The following EYS variants were observed in gnomAD, a reference collection of about 807,000 sequenced individuals.
EYS encodes protein eyes shut homolog.
In EYS, 250 loss-of-function variants were observed where a neutral mutation model predicts 282.1. The observed-to-expected ratio is 0.89, with a 90% CI of 0.80 to 0.98. The LOEUF (loss-of-function observed/expected upper bound fraction) is 0.98. EYS is among the 50% of genes least tolerant of loss of function. The pLI is 0.00. For synonymous variants in EYS, 1,355 were observed against 1,282.9 expected (o/e 1.06, Z -1.20); for missense variants, 4,016 against 3,709.0 (o/e 1.08, Z -2.15).
chr6:65,625,670 T>C (rs544417505), intron 2 of EYS, among the ~76,000 whole-genome samples: 1 of 152,268 alleles, frequency 6.6e-6, no homozygotes, highest in East Asian at 1.9e-4. Context: ...ATTTAACGAG[T>C]TTGAGTTAAG....
chr6:65,598,401 T>C (rs560746376), intron 2 of EYS, among the ~76,000 whole-genome samples: 1 of 152,016 alleles, frequency 6.6e-6, no homozygotes, highest in Non-Finnish European at 1.5e-5. Flanking sequence ...TTCTTGAAGA[T>C]ATAATTCAAT....
At chr6:65,063,684 T>G (rs906210731) in intron 12 of EYS, among the ~76,000 whole-genome samples, 2 of 152,080 alleles carry the variant, frequency 1.3e-5, no homozygotes, top group African/African-American at 4.8e-5. Flanking sequence ...CCATGCTTAG[T>G]TTTCATTCAG....
At chr6:64,457,218 G>T (rs1775584072) in intron 26 of EYS, among the ~76,000 whole-genome samples, 1 of 151,770 alleles carries the variant, frequency 6.6e-6, no homozygotes, top group Non-Finnish European at 1.5e-5. Flanking sequence ...TACCACCATG[G>T]TCGAAAATGA....
chr6:64,025,457 GA>G (rs1769450798), intron 33 of EYS, among the ~76,000 whole-genome samples: 2 of 152,104 alleles, frequency 1.3e-5, no homozygotes, highest in Non-Finnish European at 2.9e-5. Flanking sequence ...ATGCCTACCA[GA>G]CAAACTTCCT....
chr6:64,462,145 T>TA (rs1775769741), intron 26 of EYS, among the ~76,000 whole-genome samples: 1 of 152,168 alleles, frequency 6.6e-6, no homozygotes, highest in Non-Finnish European at 1.5e-5. Flanking sequence ...TTTCCTGTTA[T>TA]AAAAAACCTA....
intron 12 of EYS, among the ~76,000 whole-genome samples, chr6:65,156,227 T>A (rs1764725258): frequency 6.6e-6 from 1 of 151,182 alleles, no homozygotes; most frequent in South Asian, 2.1e-4. Context: ...GGAATTATAG[T>A]GTATTCCAGC....
intron 30 of EYS, among the ~76,000 whole-genome samples, chr6:64,252,455 T>G (rs1276557349): frequency 6.6e-6 from 1 of 152,172 alleles, no homozygotes; most frequent in East Asian, 1.9e-4. Context: ...GACTCCAGTC[T>G]TAATCATCCT....
At chr6:65,507,047 G>A (rs1253360388) in intron 2 of EYS, among the ~76,000 whole-genome samples, 2 of 151,996 alleles carry the variant, frequency 1.3e-5, no homozygotes, top group Admixed American at 6.6e-5. Flanking sequence ...CTTTCCTCAT[G>A]TAGATCTGAG....
chr6:64,075,291 G>A (rs1363799940), intron 32 of EYS, among the ~76,000 whole-genome samples: 1 of 151,972 alleles, frequency 6.6e-6, no homozygotes, highest in Non-Finnish European at 1.5e-5. Context: ...TCAGTGGGAA[G>A]ATGGCAGACA....
chr6:64,238,231 T>C (rs777935500), intron 30 of EYS, among the ~76,000 whole-genome samples: 1 of 152,126 alleles, frequency 6.6e-6, no homozygotes, highest in African/African-American at 2.4e-5. Flanking sequence ...TGTCATATGA[T>C]TCATGTTCCC....
chr6:63,962,824 G>A (rs1182210170), intron 35 of EYS, among the ~76,000 whole-genome samples: 3 of 152,104 alleles, frequency 2.0e-5, no homozygotes, highest in Admixed American at 1.3e-4. Context: ...GTTTATTGTG[G>A]CACTATTCAC....
At chr6:64,183,843 C>T (rs1427748188) in intron 31 of EYS, among the ~76,000 whole-genome samples, 1 of 151,966 alleles carries the variant, frequency 6.6e-6, no homozygotes, top group Non-Finnish European at 1.5e-5. Context: ...TGGCAGGTCT[C>T]CTCTCTTGAA....
chr6:63,986,149 C>A lies in EYS; in HGVS notation c.6835-1546G>T, dbSNP rs146460785. Among the ~76,000 whole-genome samples the A allele has an allele frequency of 9.9e-3, 1,497 of 151,596 alleles. 22 individuals carry two copies. The highest frequency in any genetic ancestry group is 0.035 in the East Asian group (182 of 5,128). On this transcript the variant is annotated intron_variant, in intron 34 of 42. Transcript: ENST00000503581. Reference sequence around the variant, plus strand: ...CACTTTTCAAAAGAAGATATACATGCGGCCAAAAAGCATATGAAAAAAAGC... The same window carrying A: ...CACTTTTCAAAAGAAGATATACATGAGGCCAAAAAGCATATGAAAAAAAGC...
chr6:65,603,895 CA>C (rs1175153320), intron 2 of EYS, among the ~76,000 whole-genome samples: 1 of 151,596 alleles, frequency 6.6e-6, no homozygotes, highest in Admixed American at 6.6e-5. Flanking sequence ...TTGTTTGTTT[CA>C]AACAGCAAGT....
chr6:65,332,494 A>T, intron 11 of EYS: 1 of 1,158,782 alleles, frequency 8.6e-7, no homozygotes. Flanking sequence ...TTATATTTCC[A>T]TTTATTCAGA....
chr6:63,990,180 G>T (rs1418839950), intron 34 of EYS, among the ~76,000 whole-genome samples: 2 of 151,626 alleles, frequency 1.3e-5, no homozygotes, highest in Non-Finnish European at 3.0e-5. Flanking sequence ...AAAAAAATTT[G>T]TTGCAAAATA....
intron 36 of EYS, among the ~76,000 whole-genome samples, chr6:63,852,953 T>C (rs1772298490): frequency 6.6e-6 from 1 of 152,166 alleles, no homozygotes. Context: ...CTAAAAACAC[T>C]CAATAAACTA....
At chr6:64,676,651 G>A (rs1769697038) in intron 22 of EYS, among the ~76,000 whole-genome samples, 1 of 152,038 alleles carries the variant, frequency 6.6e-6, no homozygotes, top group Non-Finnish European at 1.5e-5. Flanking sequence ...AAACACCATA[G>A]ACTGGTAGCT....
At chr6:64,426,102 T>A (rs1774401121) in intron 28 of EYS, among the ~76,000 whole-genome samples, 1 of 152,006 alleles carries the variant, frequency 6.6e-6, no homozygotes, top group African/African-American at 2.4e-5. Context: ...ACCAACAACT[T>A]ACTCTTTTTG....
Sources: gnomAD v4.1 joint callset for allele counts (sites outside exome capture counted in the v4.1 genomes callset) on GRCh38, gnomAD v4.1.1 for gene constraint, MANE v1.5 for transcripts, NCBI Gene and HGNC (gene_info 2026-07-23, HGNC 2026-07-21) for gene names.